The following CARD8 variants were observed in gnomAD, a reference collection of about 807,000 sequenced individuals.
CARD8 encodes the protein caspase recruitment domain-containing protein 8.
Under a neutral mutation model 53.2 loss-of-function variants are expected in CARD8, and 38 were observed. That is an observed-to-expected ratio of 0.71 (90% CI 0.55 to 0.94). CARD8 has a LOEUF of 0.94. Among genes scored for constraint, CARD8 ranks in the 40% least tolerant of loss-of-function variants. CARD8 has a pLI of 0.00. For synonymous variants in CARD8, 245 were observed against 244.9 expected, an observed-to-expected ratio of 1.00 and a Z score of 0.00; for missense variants, 561 against 655.5, an observed-to-expected ratio of 0.86 and a Z score of 1.57.
Position 48,231,005 on chromosome 19 carries a change from C to T in CARD8, c.544G>A (p.Val182Ile), listed in dbSNP as rs150982505. ...TACCAGCCAGCAGTGGGGAACCAAACGCTGAAAGGAGCCAGAGTGATGTCA... is the reference window on the plus strand; with the variant it reads ...TACCAGCCAGCAGTGGGGAACCAAATGCTGAAAGGAGCCAGAGTGATGTCA... The part of the protein sequence containing the change: ...LIDKSTNRYS[V>I]WFPTAGWYLW... Residue 182 changes from valine to isoleucine, a missense_variant and splice_region_variant, in exon 9 of 14, where the codon GTT (valine) becomes ATT (isoleucine). Physicochemically the swap from Val to Ile is conservative, Grantham distance 29. Transcript: ENST00000651546. 1.2e-5 allele frequency: 20 copies of T among 1,613,044 alleles called. No homozygotes were observed. The highest frequency in any genetic ancestry group is 2.2e-5 in the South Asian group (2 of 91,048).
At chr19:48,216,179 T>G (rs2039257842) in intron 12 of CARD8, among the ~76,000 whole-genome samples, 1 of 151,922 alleles carries the variant, frequency 6.6e-6, no homozygotes, top group Non-Finnish European at 1.5e-5. Flanking sequence ...GAAAAAATCT[T>G]TTTTAAATAA....
chr19:48,223,037 CTTA>C (rs953195418), intron 10 of CARD8, among the ~76,000 whole-genome samples: 1 of 151,992 alleles, frequency 6.6e-6, no homozygotes, highest in African/African-American at 2.4e-5. Flanking sequence ...GGTGCAGTGG[CTTA>C]TGCCTGTAAT....
At chr19:48,215,895 T>C (rs2039175130) in intron 12 of CARD8, among the ~76,000 whole-genome samples, 1 of 152,170 alleles carries the variant, frequency 6.6e-6, no homozygotes. Context: ...TCATCTAGAC[T>C]CCTTGATGTT....
chr19:48,236,168 G>A (rs1371365575), intron 5 of CARD8, among the ~76,000 whole-genome samples: 2 of 152,188 alleles, frequency 1.3e-5, no homozygotes, highest in African/African-American at 4.8e-5. Flanking sequence ...GTTGACCAGA[G>A]GGTCCTGCCT....
rs369746337 is a variant in CARD8, at chr19:48,215,297, G to A, written c.1348+43C>T. ...CACTGTCACTCAAAGACCCCTTGAT[G>A]TCTCATACATACCCTTGGCTTTAAT... On this transcript the variant is annotated intron_variant, in intron 13 of 13. Transcript: ENST00000651546. The A allele has an allele frequency of 3.5e-6, 5 of 1,444,026 alleles. No individual in the cohort carries two copies. In the African/African-American group the frequency reaches 7.0e-5, roughly 20 times the overall value. The allele number at this position is 1,444,026 out of a possible 1,614,324, so 89.5% of individuals were successfully genotyped here.
intron 11 of CARD8, among the ~76,000 whole-genome samples, chr19:48,219,817 A>G (rs11672321): frequency 0.26 from 39,621 of 151,852 alleles, 5,357 homozygotes; most frequent in South Asian, 0.36. Flanking sequence ...CTAAAAATAC[A>G]ACAATTAGCC....
intron 1 of CARD8, among the ~76,000 whole-genome samples, chr19:48,250,818 A>G (rs573749861): frequency 6.6e-6 from 1 of 152,352 alleles, no homozygotes; most frequent in Admixed American, 6.5e-5. Flanking sequence ...TAAAGTGCTG[A>G]TTCAGTATTA....
intron 3 of CARD8, among the ~76,000 whole-genome samples, chr19:48,243,383 A>G (rs996433607): frequency 1.3e-5 from 2 of 152,252 alleles, no homozygotes; most frequent in Admixed American, 1.3e-4. Flanking sequence ...CACTGAATTT[A>G]TCTGCAATAA....
rs145803719 is a variant in CARD8, at chr19:48,251,238, C to T, written c.-251-1391G>A. Among the ~76,000 whole-genome samples, 673 of 152,260 alleles carry T rather than the reference C, an allele frequency of 4.4e-3. 3 individuals carry two copies. Among genetic ancestry groups the T allele is most frequent in the South Asian group, 0.023 (109 of 4,814 alleles). ...AATTGATCATAAAATTTAAGTTACA[C>T]CATTATTCTGCTAAGTAGAAAAGGT... On this transcript the variant is annotated intron_variant, in intron 1 of 13. Transcript: ENST00000651546.
chr19:48,221,151 G>T lies in CARD8; in HGVS notation c.1161+579C>A, dbSNP rs139333817. Among the ~76,000 whole-genome samples, 489 of 152,238 alleles carry T rather than the reference G, an allele frequency of 3.2e-3. 1 individual carries two copies. Among genetic ancestry groups the T allele is most frequent in the African/African-American group, 0.011 (466 of 41,548 alleles). On this transcript the variant is annotated intron_variant, in intron 11 of 13. Coordinates refer to ENST00000651546, the MANE Select transcript of CARD8 (RefSeq NM_001184900.3). The stretch of plus-strand genomic sequence containing the variant: ...CATTTAGGACACTCTAGCCCTGCAG[G>T]AAAAATGTAAAACCATATGAATGGA...
chr19:48,223,029 T>C (rs932457644), intron 10 of CARD8, among the ~76,000 whole-genome samples: 1 of 151,978 alleles, frequency 6.6e-6, no homozygotes, highest in Non-Finnish European at 1.5e-5. Flanking sequence ...AGAGGCCAGG[T>C]GCAGTGGCTT....
At chr19:48,245,161 T>C (rs144498077) in intron 3 of CARD8, among the ~76,000 whole-genome samples, 79 of 152,322 alleles carry the variant, frequency 5.2e-4, no homozygotes, top group African/African-American at 1.9e-3. Context: ...ACATAACGAA[T>C]CACCTGAAAT....
chr19:48,240,811 C>A, intron 4 of CARD8, 151 bp downstream of exon 4: 1 of 673,690 alleles, frequency 1.5e-6, no homozygotes, highest in South Asian at 1.9e-5. Flanking sequence ...TGGGAGTTTT[C>A]CCTTCATTCA....
chr19:48,206,188 G>A (rs576185570), downstream of CARD8, among the ~76,000 whole-genome samples: 4 of 152,246 alleles, frequency 2.6e-5, no homozygotes, highest in East Asian at 1.9e-4. Context: ...GTGAGCCATC[G>A]CCCCCAGCCA....
intron 3 of CARD8, among the ~76,000 whole-genome samples, chr19:48,244,424 G>C (rs2045760651): frequency 1.3e-5 from 2 of 152,200 alleles, no homozygotes; most frequent in South Asian, 4.1e-4. Flanking sequence ...CATGGCGGAG[G>C]AACAGGGAGG....
chr19:48,232,303 C>T (rs1379161082), intron 7 of CARD8, 150 bp downstream of exon 7: 1 of 714,292 alleles, frequency 1.4e-6, no homozygotes. Context: ...TTACATGTCC[C>T]CATTTAAACT....
At chr19:48,247,380 A>C (rs1056473046) in intron 3 of CARD8, among the ~76,000 whole-genome samples, 1 of 152,220 alleles carries the variant, frequency 6.6e-6, no homozygotes, top group Non-Finnish European at 1.5e-5. Flanking sequence ...AATGTTTTTC[A>C]ATAGGGGAAT....
intron 5 of CARD8, among the ~76,000 whole-genome samples, chr19:48,236,477 G>A (rs2043904535): frequency 6.6e-6 from 1 of 152,190 alleles, no homozygotes; most frequent in African/African-American, 2.4e-5. Flanking sequence ...GCCTCCCAAA[G>A]TCCTGGGATT....
chr19:48,253,050 G>A (rs182690684), intron 1 of CARD8, among the ~76,000 whole-genome samples: 8 of 152,024 alleles, frequency 5.3e-5, no homozygotes, highest in Admixed American at 1.3e-4. Flanking sequence ...TTAATGGGTT[G>A]GACATACATC....
Sources: gnomAD v4.1 joint callset for allele counts (sites outside exome capture counted in the v4.1 genomes callset) on GRCh38, gnomAD v4.1.1 for gene constraint, MANE v1.5 for transcripts, NCBI Gene and HGNC (gene_info 2026-07-23, HGNC 2026-07-21) for gene names.